The following PIGG variants were observed in gnomAD, a reference collection of about 807,000 sequenced individuals.
PIGG encodes the protein phosphatidylinositol glycan anchor biosynthesis class G (EMM blood group), also known as GPI ethanolamine phosphate transferase 2, catalytic subunit.
A neutral mutation model predicts 83.2 loss-of-function variants in PIGG; 70 were observed. That is an observed-to-expected ratio of 0.84 (90% CI 0.69 to 1.03). PIGG has a LOEUF of 1.03. PIGG is among the 50% of genes least tolerant of loss of function. The pLI, the probability that PIGG is intolerant of heterozygous loss-of-function variation, is 0.00. For synonymous variants in PIGG, 532 were observed against 519.5 expected (o/e 1.02, Z -0.33); for missense variants, 1,257 against 1,233.6 (o/e 1.02, Z -0.28).
chr4:531,776 C>T (rs1249881529), intron 11 of PIGG: 5 of 152,582 alleles, frequency 3.3e-5, no homozygotes, highest in South Asian at 2.1e-4. Context: ...CCGCTCAGGC[C>T]CCTGTCCTCC....
intron 6 of PIGG, among the ~76,000 whole-genome samples, chr4:519,227 T>C (rs1008319743): frequency 3.3e-5 from 5 of 152,194 alleles, no homozygotes; most frequent in African/African-American, 1.2e-4. Context: ...TGCGTGCGTG[T>C]CTGTGAGCCC....
At chr4:517,006 C>T (rs752600678) in intron 6 of PIGG, among the ~76,000 whole-genome samples, 12 of 151,924 alleles carry the variant, frequency 7.9e-5, no homozygotes, top group South Asian at 2.1e-4. Context: ...CTCCATGGGG[C>T]GCACATTCAG....
chr4:506,961 A>G, intron 3 of PIGG: 1 of 355,986 alleles, frequency 2.8e-6, no homozygotes, highest in African/African-American at 2.1e-5. Context: ...ACCTTCAGTT[A>G]TGCCCATTAA....
At chr4:523,004 G>C (rs138339617) in intron 8 of PIGG, among the ~76,000 whole-genome samples, 8 of 152,292 alleles carry the variant, frequency 5.3e-5, no homozygotes, top group African/African-American at 1.2e-4. Context: ...GTATTGTTGA[G>C]GTTCTTTGGT....
At chr4:509,104 A>G in intron 5 of PIGG, 134 bp downstream of exon 5, 2 of 635,546 alleles carry the variant, frequency 3.1e-6, no homozygotes, top group East Asian at 5.7e-5. Context: ...CATGAAAAGT[A>G]ATTGGGCAAA....
Position 530,819 on chromosome 4 carries a change from A to G in PIGG, c.2571+74A>G, listed in dbSNP as rs558164936. ...TTATTTTAAATTTTTCTTTGAGAAA[A>G]TGTTCCCATAAGTTGGAAAGTGACT... On this transcript the variant is annotated intron_variant, in intron 11 of 12. Coordinates refer to ENST00000453061, the MANE Select transcript of PIGG (RefSeq NM_001127178.3). 10 of 1,058,280 alleles carry G rather than the reference A, an allele frequency of 9.4e-6. No individual in the cohort carries two copies. In the African/African-American group the frequency reaches 1.1e-4, roughly 12 times the overall value. The allele number at this position is 1,058,280 out of a possible 1,614,324, so 65.6% of individuals were successfully genotyped here.
At chr4:521,484 T>C (rs183356164) in intron 7 of PIGG, among the ~76,000 whole-genome samples, 176 bp from the exon 8 acceptor site, 1 of 151,890 alleles carries the variant, frequency 6.6e-6, no homozygotes, top group East Asian at 1.9e-4. Context: ...CTGCAGGTGA[T>C]AAAAAAAAAT....
chr4:516,680 A>T (rs1278429313), intron 6 of PIGG, among the ~76,000 whole-genome samples: 1 of 152,018 alleles, frequency 6.6e-6, no homozygotes, highest in Admixed American at 6.6e-5. Context: ...ACACAGTGAA[A>T]CCCCGTCTCT....
rs1354258366 is a variant in PIGG, at chr4:515,833, A to AT, written c.902-138dup. 2.9e-6 allele frequency: 2 copies of AT among 683,174 alleles called. No homozygotes were observed. Among genetic ancestry groups the AT allele is most frequent in the African/African-American group, 3.6e-5 (2 of 56,312 alleles). The allele number at this position is 683,174 out of a possible 1,614,324, so 42.3% of individuals were successfully genotyped here. A position where few individuals can be genotyped will look rare whatever the true frequency, so the allele number is the denominator to read the frequency against. ...ATCAACACAGCAAGCACAGGAGGTG[A>AT]TTCCTGTACGATTCTGTGTTGAGTG... is the stretch of plus-strand genomic sequence containing the variant. On this transcript the variant is annotated intron_variant, in intron 5 of 12. Transcript: ENST00000453061. The surrounding 1 kb of genome is among the most constrained non-coding windows in gnomAD (Gnocchi z 4.2).
intron 6 of PIGG, among the ~76,000 whole-genome samples, chr4:517,096 G>A (rs1051990242): frequency 6.6e-6 from 1 of 152,130 alleles, no homozygotes; most frequent in Non-Finnish European, 1.5e-5. Context: ...ACTGGGCGCT[G>A]GAAGGGCTTT....
chr4:512,620 G>T (rs181345675), intron 5 of PIGG, among the ~76,000 whole-genome samples: 147 of 151,988 alleles, frequency 9.7e-4, no homozygotes, highest in Middle Eastern at 3.4e-3. Context: ...TTCGAGACCA[G>T]CCTGACCAAC....
At position 499,266 on chromosome 4, in the gene PIGG, C is replaced by T. The variant is rs1187684908; in HGVS notation, c.-70C>T. 1.2e-5 allele frequency: 19 copies of T among 1,541,940 alleles called. No homozygotes were observed. Among genetic ancestry groups the T allele is most frequent in the South Asian group, 2.3e-5 (2 of 87,316 alleles). On this transcript the variant is annotated 5_prime_UTR_variant, in exon 1 of 13. Coordinates refer to ENST00000453061, the MANE Select transcript of PIGG (RefSeq NM_001127178.3). ...TTGCTTAGAGGCGGCTACCTGGAGC[C>T]GGAAGCGCGGCTGCAGCAGGGCGAG...
chr4:525,490 T>C, intron 9 of PIGG: 1 of 321,852 alleles, frequency 3.1e-6, no homozygotes, highest in Non-Finnish European at 4.5e-6. Flanking sequence ...GTCCTAGTAA[T>C]GAGGGCACTT....
chr4:533,669 C>G (rs919540763), intron 11 of PIGG, 149 bp from the exon 12 acceptor site: 2 of 691,640 alleles, frequency 2.9e-6, no homozygotes. Context: ...AACGGCTGGG[C>G]AGCCACCTCT....
At chr4:529,725 A>G (rs1278657370) in intron 10 of PIGG, among the ~76,000 whole-genome samples, 1 of 152,218 alleles carries the variant, frequency 6.6e-6, no homozygotes, top group African/African-American at 2.4e-5. Context: ...CACTCCCTGC[A>G]TTCCCTTGCT....
At chr4:500,161 C>G (rs1389357205) in intron 1 of PIGG, 1 of 549,298 alleles carries the variant, frequency 1.8e-6, no homozygotes, top group Non-Finnish European at 3.3e-6. Context: ...GTACTCTTCA[C>G]CATACTGAGG....
At chr4:537,400 G>C (rs1297796584) in intron 12 of PIGG, 1 of 150,888 alleles carries the variant, frequency 6.6e-6, no homozygotes, top group East Asian at 2.0e-4. Context: ...TGAAGTCAAG[G>C]TGGTGCCATG....
intron 12 of PIGG, among the ~76,000 whole-genome samples, chr4:534,316 G>T (rs1027100975): frequency 4.6e-5 from 7 of 152,220 alleles, no homozygotes; most frequent in African/African-American, 4.8e-5. Flanking sequence ...AGGTTTTTCT[G>T]TTTGCTGGTG....
At chr4:513,124 A>G (rs1254527193) in intron 5 of PIGG, among the ~76,000 whole-genome samples, 1 of 152,166 alleles carries the variant, frequency 6.6e-6, no homozygotes, top group Non-Finnish European at 1.5e-5. Context: ...GATTTTCTTG[A>G]ATAAAGATTT....
Sources: allele counts gnomAD v4.1 joint callset (sites outside exome capture counted in the v4.1 genomes callset), GRCh38; gene constraint gnomAD v4.1.1; non-coding constraint Gnocchi (gnomAD v3.1); transcripts MANE v1.5; gene names NCBI Gene and HGNC (gene_info 2026-07-23, HGNC 2026-07-21).